Variants in USP45 observed in about 807,000 individuals in gnomAD.
USP45 encodes the protein ubiquitin specific peptidase 45.
A neutral mutation model predicts 95.8 loss-of-function variants in USP45; 89 were observed. The observed-to-expected ratio is 0.93, with a 90% confidence interval of 0.78 to 1.11. USP45 has a LOEUF of 1.11. USP45 is among the 50% of genes least tolerant of loss of function. The pLI is 0.00. For missense variants in USP45, 898 were observed against 942.5 expected, an observed-to-expected ratio of 0.95 and a Z score of 0.62; for synonymous variants, 281 against 316.2, an observed-to-expected ratio of 0.89 and a Z score of 1.18.
At chr6:99,511,879 A>AAC (rs2128823067) in intron 1 of USP45, among the ~76,000 whole-genome samples, 1 of 138,814 alleles carries the variant, frequency 7.2e-6, no homozygotes, top group South Asian at 2.3e-4. Flanking sequence ...ATATATATAT[A>AAC]TATATATACA....
At chr6:99,457,006 G>A (rs1032548252) in intron 13 of USP45, among the ~76,000 whole-genome samples, 4 of 152,164 alleles carry the variant, frequency 2.6e-5, no homozygotes, top group Admixed American at 2.0e-4. Context: ...TCTTATGGTC[G>A]AGACTGCAGG....
At position 99,462,286 on chromosome 6, in the gene USP45, A is replaced by G. The variant is rs937247154; in HGVS notation, c.1308+2318T>C. Reference sequence around the variant, plus strand: ...CATGTGGTGTCCAGATCTTTGAGGTACAGTTTCTATATATCATATATGCAT... The same window carrying G: ...CATGTGGTGTCCAGATCTTTGAGGTGCAGTTTCTATATATCATATATGCAT... On this transcript the variant is annotated intron_variant, in intron 13 of 17. Coordinates refer to ENST00000500704, the MANE Select transcript of USP45 (RefSeq NM_001346022.3). 119 of 985,056 alleles carry G rather than the reference A, an allele frequency of 1.2e-4. 1 individual carries two copies. In the Admixed American group the frequency reaches 3.7e-3, roughly 31 times the overall value. The allele number at this position is 985,056 out of a possible 1,614,324, so 61.0% of individuals were successfully genotyped here. A position where few individuals can be genotyped will look rare whatever the true frequency, so the allele number is the denominator to read the frequency against.
intron 13 of USP45, among the ~76,000 whole-genome samples, chr6:99,446,814 G>A (rs1345212639): frequency 6.6e-6 from 1 of 152,104 alleles, no homozygotes; most frequent in Non-Finnish European, 1.5e-5. Context: ...CACAATCACA[G>A]CTCACCGCAG....
At chr6:99,482,667 A>G in intron 8 of USP45, 86 bp downstream of exon 8, 3 of 1,317,400 alleles carry the variant, frequency 2.3e-6, no homozygotes, top group Non-Finnish European at 2.0e-6. Context: ...GCAAAGTTAC[A>G]GTAAAAACGA....
At chr6:99,459,162 C>A (rs1423978004) in intron 13 of USP45, among the ~76,000 whole-genome samples, 2 of 152,202 alleles carry the variant, frequency 1.3e-5, no homozygotes, top group Non-Finnish European at 1.5e-5. Flanking sequence ...CTCCAGTAGG[C>A]CCCAGTGTCT....
Position 99,446,294 on chromosome 6 carries a change from T to G in USP45, c.1478A>C (p.Glu493Ala), listed in dbSNP as rs749312716. Reference protein sequence around the residue: ...NESPTDDSEKEASHSESNVDA... With the variant: ...NESPTDDSEKAASHSESNVDA... ...AACATTGCTTTCAGAATGGCTGGCT[T>G]CTTTTTCACTGTCATCAGTAGGGCT... is the stretch of plus-strand genomic sequence containing the variant. Residue 493 changes from glutamate (E) to alanine (A), a missense_variant, in exon 14 of 18, where the codon GAA (glutamate) becomes GCA (alanine). Physicochemically the swap from Glu to Ala is moderately radical, Grantham distance 107. Coordinates refer to ENST00000500704, the MANE Select transcript of USP45 (RefSeq NM_001346022.3). 3 of 1,614,226 alleles carry G rather than the reference T, an allele frequency of 1.9e-6. No individual in the cohort carries two copies. Among genetic ancestry groups the G allele is most frequent in the East Asian group, 2.2e-5 (1 of 44,876 alleles).
intron 9 of USP45, among the ~76,000 whole-genome samples, chr6:99,473,969 A>C (rs1790165908): frequency 6.6e-6 from 1 of 152,188 alleles, no homozygotes; most frequent in Non-Finnish European, 1.5e-5. Flanking sequence ...AGGTGGCAGA[A>C]AAGGAATGAC....
chr6:99,441,955 T>C (rs897970690), intron 15 of USP45, among the ~76,000 whole-genome samples: 1 of 152,206 alleles, frequency 6.6e-6, no homozygotes, highest in Non-Finnish European at 1.5e-5. Context: ...TATACAGCCC[T>C]AAAGCTACCA....
intron 13 of USP45, among the ~76,000 whole-genome samples, chr6:99,460,591 AG>A (rs1474359781): frequency 6.6e-6 from 1 of 152,210 alleles, no homozygotes; most frequent in Non-Finnish European, 1.5e-5. Flanking sequence ...TGGTAAAATC[AG>A]GTAAGATCCC....
chr6:99,468,726 C>A, intron 9 of USP45, 108 bp from the exon 10 acceptor site: 1 of 638,110 alleles, frequency 1.6e-6, no homozygotes, highest in Admixed American at 3.6e-5. Context: ...TTTCAGTTCC[C>A]TAGTTTGAAA....
Position 99,435,204 on chromosome 6 carries a change from TA to T in USP45, c.*511del, listed in dbSNP as rs1321758804. ...TGGTACGTGGATAAACAATTTTTAA[TA>T]GTTTTACTTTAATATTTATTATAAA... On this transcript the variant is annotated 3_prime_UTR_variant, in exon 18 of 18. Transcript: ENST00000500704. 6.6e-6 allele frequency: 1 copy of T among 152,666 alleles called. No homozygotes were observed. The highest frequency in any genetic ancestry group is 1.9e-4 in the East Asian group (1 of 5,214). 9.5% of individuals were successfully genotyped at this position (152,666 alleles called of 1,614,324 possible).
chr6:99,516,652 C>T (rs1454484274), upstream of USP45, among the ~76,000 whole-genome samples: 1 of 151,882 alleles, frequency 6.6e-6, no homozygotes, highest in Non-Finnish European at 1.5e-5. Flanking sequence ...AATTTTTTTC[C>T]CTAGGGAAAA....
intron 8 of USP45, among the ~76,000 whole-genome samples, chr6:99,482,098 C>T (rs1792571458): frequency 6.6e-6 from 1 of 152,180 alleles, no homozygotes. Flanking sequence ...AATTTTCCTT[C>T]TACATATTTT....
In USP45 at chr6:99,464,672, C is replaced by CTATAGTAACATTTCTATAGTA; in HGVS notation, c.1239_1240insTACTATAGAAATGTTACTATA (p.Ser413_Gly414insTyrTyrArgAsnValThrIle). ...TGAATATTTTCTATAGTAACATTGC[C>CTATAGTAACATTTCTATAGTA]ACTGTATCGATCATGATCTGTCTCC... On this transcript the variant is annotated inframe_insertion, in exon 13 of 18. Transcript: ENST00000500704. 2 of 1,613,128 alleles carry CTATAGTAACATTTCTATAGTA rather than the reference C, an allele frequency of 1.2e-6. No individual in the cohort carries two copies. The highest frequency in any genetic ancestry group is 1.7e-6 in the Non-Finnish European group (2 of 1,179,772).
At chr6:99,458,185 A>G (rs1368993531) in intron 13 of USP45, among the ~76,000 whole-genome samples, 1 of 152,058 alleles carries the variant, frequency 6.6e-6, no homozygotes, top group African/African-American at 2.4e-5. Flanking sequence ...ATGACCGGCT[A>G]ATTTTTTGCA....
At chr6:99,511,843 GTGTATATATATATATATATA>G (rs1334821970) in intron 1 of USP45, among the ~76,000 whole-genome samples, 1 of 4,986 alleles carries the variant, frequency 2.0e-4, no homozygotes, top group African/African-American at 1.4e-3. Flanking sequence ...ATGTGAGTGT[GTGTATATATATATATATATA>G]TATATATATA....
rs564738910 is a variant in USP45 at position 99,450,677 on chromosome 6, C to T, written c.1309-4214G>A. Among the ~76,000 whole-genome samples, 23 of 152,324 alleles carry T rather than the reference C, an allele frequency of 1.5e-4. 1 individual carries two copies. In the South Asian group the frequency reaches 4.8e-3, roughly 32 times the overall value. On this transcript the variant is annotated intron_variant, in intron 13 of 17. Coordinates refer to ENST00000500704, the MANE Select transcript of USP45 (RefSeq NM_001346022.3). ...GAAAAAGAGGGAATCTTTCCTAACT[C>T]ATTTTATGAGGCCAGCATCATCTTG... is the stretch of plus-strand genomic sequence containing the variant.
chr6:99,502,214 A>G (rs1261175942), intron 5 of USP45, among the ~76,000 whole-genome samples: 2 of 152,228 alleles, frequency 1.3e-5, no homozygotes, highest in Non-Finnish European at 2.9e-5. Context: ...GAGAGTGAGG[A>G]GAATGCATCC....
rs747383278 is a variant in USP45, at chr6:99,482,739, G to A, written c.845+14C>T. 1.9e-6 allele frequency: 3 copies of A among 1,581,388 alleles called. No homozygotes were observed. Among genetic ancestry groups the A allele is most frequent in the African/African-American group, 1.4e-5 (1 of 73,126 alleles). Reference sequence around the variant, plus strand: ...TAACTCATAATTATTTATATTAAATGTAGATGCACCCACTTCTGACAAAGC... The same window carrying A: ...TAACTCATAATTATTTATATTAAATATAGATGCACCCACTTCTGACAAAGC... On this transcript the variant is annotated intron_variant, in intron 8 of 17. Transcript: ENST00000500704.
Sources: gnomAD v4.1 joint callset for allele counts (sites outside exome capture counted in the v4.1 genomes callset) on GRCh38, gnomAD v4.1.1 for gene constraint, MANE v1.5 for transcripts, NCBI Gene and HGNC (gene_info 2026-07-23, HGNC 2026-07-21) for gene names.